The following AFF3 variants were observed in gnomAD, a reference collection of about 807,000 sequenced individuals.
AFF3 encodes ALF transcription elongation factor 3.
AFF3 carries 32 observed loss-of-function variants against 129.7 expected under a neutral mutation model. That is an observed-to-expected ratio of 0.25 (90% CI 0.19 to 0.33). AFF3 has a LOEUF of 0.33. Ranked by LOEUF, AFF3 falls within the 10% of genes least tolerant of loss-of-function variation. AFF3 has a pLI of 1.00. For synonymous variants in AFF3, 644 were observed against 635.4 expected, an observed-to-expected ratio of 1.01 and a Z score of -0.20; for missense variants, 1,373 against 1,592.0, an observed-to-expected ratio of 0.86 and a Z score of 2.34.
chr2:99,635,969 T>C (rs140791639), intron 13 of AFF3, among the ~76,000 whole-genome samples: 2 of 152,296 alleles, frequency 1.3e-5, no homozygotes, highest in East Asian at 3.9e-4. Flanking sequence ...CAGGTTATCA[T>C]CTGGCTTGGT....
chr2:99,753,916 C>T (rs1681877710), intron 8 of AFF3, among the ~76,000 whole-genome samples: 1 of 152,190 alleles, frequency 6.6e-6, no homozygotes, highest in Non-Finnish European at 1.5e-5. Flanking sequence ...GCCTTGGTCT[C>T]CCTTTGAGGA....
At chr2:99,913,824 A>C (rs1339121674) in intron 7 of AFF3, among the ~76,000 whole-genome samples, 1 of 151,032 alleles carries the variant, frequency 6.6e-6, no homozygotes, top group African/African-American at 2.4e-5. Flanking sequence ...ATAATTTGAC[A>C]AAAAAAAATG....
rs80184733 is a variant in AFF3, at chr2:99,964,017, A to G, written c.873+42615T>C. Among the ~76,000 whole-genome samples, 562 of 152,242 alleles carry G rather than the reference A, an allele frequency of 3.7e-3. 5 individuals carry two copies. Among genetic ancestry groups the G allele is most frequent in the African/African-American group, 0.013 (531 of 41,556 alleles). On this transcript the variant is annotated intron_variant, in intron 7 of 24. Coordinates refer to ENST00000672756, the MANE Select transcript of AFF3 (RefSeq NM_001386135.1). Reference sequence around the variant, plus strand: ...AAACTTAAGAGCAAAGTAAAATACTAAAGACAAAGAAGAATGTGACATGAT... The same window carrying G: ...AAACTTAAGAGCAAAGTAAAATACTGAAGACAAAGAAGAATGTGACATGAT...
chr2:99,765,869 C>G (rs1430243429), intron 8 of AFF3, among the ~76,000 whole-genome samples: 2 of 152,268 alleles, frequency 1.3e-5, no homozygotes, highest in East Asian at 3.9e-4. Flanking sequence ...TCCTTAACTC[C>G]CTTCACCACT....
intron 7 of AFF3, among the ~76,000 whole-genome samples, chr2:99,895,274 TCCAATCCCAC>T (rs1255274858): frequency 6.6e-6 from 1 of 152,234 alleles, no homozygotes; most frequent in East Asian, 1.9e-4. Context: ...AATGCCTGTG[TCCAATCCCAC>T]CAACAAGGTG....
chr2:99,938,126 G>A (rs149487702), intron 7 of AFF3, among the ~76,000 whole-genome samples: 7 of 152,198 alleles, frequency 4.6e-5, no homozygotes, highest in African/African-American at 7.2e-5. Context: ...TGCTTAACCC[G>A]GTCCTAACAC....
At chr2:100,118,457 T>C (rs955751858) in intron 2 of AFF3, among the ~76,000 whole-genome samples, 7 of 152,174 alleles carry the variant, frequency 4.6e-5, no homozygotes, top group Admixed American at 2.6e-4. Flanking sequence ...TGGTTATAGC[T>C]CCATTGTTGA....
intron 11 of AFF3, among the ~76,000 whole-genome samples, chr2:99,675,253 A>G (rs1348890452): frequency 1.3e-5 from 2 of 152,236 alleles, no homozygotes; most frequent in Non-Finnish European, 2.9e-5. Context: ...GAGAAGTTCA[A>G]ATCTAACTAA....
At chr2:99,714,140 T>G (rs904859616) in intron 11 of AFF3, among the ~76,000 whole-genome samples, 3 of 152,228 alleles carry the variant, frequency 2.0e-5, no homozygotes, top group African/African-American at 7.2e-5. Flanking sequence ...TGTGTTTTAG[T>G]GTTTTATTCT....
chr2:99,773,123 T>C (rs1389443595), intron 8 of AFF3, among the ~76,000 whole-genome samples: 1 of 152,230 alleles, frequency 6.6e-6, no homozygotes. Flanking sequence ...AGACTCACAC[T>C]GTTCAGGAAA....
At chr2:99,793,790 CTTTATT>C (rs1485642343) in intron 8 of AFF3, among the ~76,000 whole-genome samples, 2 of 152,094 alleles carry the variant, frequency 1.3e-5, no homozygotes, top group African/African-American at 4.8e-5. Flanking sequence ...CTGCTCCTAT[CTTTATT>C]ATTTCTTCCT....
chr2:99,568,257 C>T (rs3828312), intron 19 of AFF3, among the ~76,000 whole-genome samples: 52,795 of 152,126 alleles, frequency 0.35, 12,926 homozygotes, highest in African/African-American at 0.7. Context: ...GGAACAACCA[C>T]ATGATCTCTT....
intron 4 of AFF3, among the ~76,000 whole-genome samples, chr2:100,090,837 T>C (rs1416653665): frequency 3.3e-5 from 5 of 151,824 alleles, no homozygotes; most frequent in Non-Finnish European, 5.9e-5. Context: ...CCACCACGCC[T>C]AGCTAATTTT....
chr2:99,777,416 T>C (rs1333698461), intron 8 of AFF3, among the ~76,000 whole-genome samples: 3 of 152,182 alleles, frequency 2.0e-5, no homozygotes, highest in African/African-American at 7.2e-5. Context: ...GAAGTGTGCA[T>C]GTTCAGAGTC....
chr2:99,993,819 T>C, intron 7 of AFF3, among the ~76,000 whole-genome samples: 1 of 124,250 alleles, frequency 8.0e-6, no homozygotes, highest in African/African-American at 3.2e-5. Context: ...TTTTTTTTTT[T>C]TTTGAGACGG....
At chr2:99,754,874 T>TA (rs1681960623) in intron 8 of AFF3, among the ~76,000 whole-genome samples, 1 of 152,220 alleles carries the variant, frequency 6.6e-6, no homozygotes. Flanking sequence ...AACTGTGTCT[T>TA]ATGTACACGA....
chr2:99,860,973 A>G (rs1429199409), intron 7 of AFF3, among the ~76,000 whole-genome samples: 3 of 152,180 alleles, frequency 2.0e-5, no homozygotes, highest in Non-Finnish European at 4.4e-5. Flanking sequence ...CATGCTGTAC[A>G]CTAGGTCCCC....
intron 2 of AFF3, among the ~76,000 whole-genome samples, chr2:100,125,671 G>A (rs554586892): frequency 1.3e-5 from 2 of 152,240 alleles, no homozygotes; most frequent in Admixed American, 1.3e-4. Flanking sequence ...GGAAGAATGA[G>A]GCATGCTGTA....
At chr2:100,073,033 A>C (rs1042951024) in intron 4 of AFF3, among the ~76,000 whole-genome samples, 2 of 152,184 alleles carry the variant, frequency 1.3e-5, no homozygotes, top group Admixed American at 1.3e-4. Context: ...GTGAGTGTCA[A>C]TGTTGAGGAC....
Sources: gnomAD v4.1 joint callset for allele counts (sites outside exome capture counted in the v4.1 genomes callset) on GRCh38, gnomAD v4.1.1 for gene constraint, MANE v1.5 for transcripts, NCBI Gene and HGNC (gene_info 2026-07-23, HGNC 2026-07-21) for gene names.